The following COA1 variants were observed in gnomAD, a reference collection of about 807,000 sequenced individuals.
The protein encoded by COA1 is cytochrome c oxidase assembly factor 1 homolog.
A neutral mutation model predicts 16.0 loss-of-function variants in COA1; 13 were observed. The ratio of observed to expected loss-of-function variants is 0.81; its 90% CI spans 0.53 to 1.29. The LOEUF is 1.29. Ranked by LOEUF, COA1 falls within the 50% of genes most tolerant of loss-of-function variation. The probability of loss-of-function intolerance (pLI) is 0.00; values close to 1 mark genes in which losing one functional copy is unlikely to be tolerated. For missense variants in COA1, 179 were observed against 177.0 expected, an observed-to-expected ratio of 1.01 and a Z score of -0.06; for synonymous variants, 65 against 65.7, an observed-to-expected ratio of 0.99 and a Z score of 0.05.
At chr7:43,651,667 C>T (rs932150017) in intron 1 of COA1, among the ~76,000 whole-genome samples, 1 of 131,348 alleles carries the variant, frequency 7.6e-6, no homozygotes, top group African/African-American at 2.9e-5. Context: ...CTGGGAAGCA[C>T]ATCAGAATCA....
intron 1 of COA1, among the ~76,000 whole-genome samples, chr7:43,700,590 A>G (rs1375030153): frequency 2.2e-5 from 1 of 44,512 alleles, no homozygotes; most frequent in African/African-American, 1.2e-4. Flanking sequence ...GTGTATATAT[A>G]CGTGTGTGTG....
At chr7:43,664,944 C>A (rs6463200) in intron 1 of COA1, among the ~76,000 whole-genome samples, 107,747 of 152,076 alleles carry the variant, frequency 0.71, 38,661 homozygotes, top group African/African-American at 0.84. Flanking sequence ...TTCTAAATTC[C>A]GATGTTCTCA....
intron 1 of COA1, among the ~76,000 whole-genome samples, chr7:43,682,697 C>A (rs2093823302): frequency 6.6e-6 from 1 of 151,862 alleles, no homozygotes; most frequent in Admixed American, 6.6e-5. Context: ...CGAGTAAACA[C>A]AGAATTTGTC....
chr7:43,708,656 G>A (rs2095093557), intron 1 of COA1, among the ~76,000 whole-genome samples: 1 of 152,094 alleles, frequency 6.6e-6, no homozygotes, highest in African/African-American at 2.4e-5. Context: ...TCTTTTTGGT[G>A]AAGTGCCTGT....
In COA1 at chr7:43,712,741, C is replaced by T. The variant is rs2095289681; in HGVS notation, c.-39+16688G>A. Among the ~76,000 whole-genome samples the T allele has an allele frequency of 1.3e-5, 2 of 152,186 alleles. 1 individual carries two copies. Among genetic ancestry groups the T allele is most frequent in the Non-Finnish European group, 2.9e-5 (2 of 68,024 alleles). On this transcript the variant is annotated intron_variant, in intron 1 of 5. Coordinates refer to ENST00000223336, the MANE Select transcript of COA1 (RefSeq NM_018224.4). ...CTGTATAAACATTGAACCTCAGGAA[C>T]AGTCAGCTAAGTGTCCTCTGTCTTT...
At chr7:43,716,596 T>C (rs1175750147) in intron 1 of COA1, among the ~76,000 whole-genome samples, 1 of 152,178 alleles carries the variant, frequency 6.6e-6, no homozygotes, top group Non-Finnish European at 1.5e-5. Context: ...TCAGAAAATT[T>C]ACAGCCTGAC....
chr7:43,644,744 A>AGATAGATAGATAGATGGATG (rs1554501197), intron 4 of COA1, among the ~76,000 whole-genome samples: 1 of 90,366 alleles, frequency 1.1e-5, no homozygotes, highest in Non-Finnish European at 2.5e-5. Context: ...ATAGATAGAT[A>AGATAGATAGATAGATGGATG]GATAGATAGA....
At chr7:43,643,512 T>A (rs2087772951) in intron 4 of COA1, among the ~76,000 whole-genome samples, 1 of 152,176 alleles carries the variant, frequency 6.6e-6, no homozygotes, top group Non-Finnish European at 1.5e-5. Flanking sequence ...GCCCAGCCCT[T>A]CCCTGTGCTC....
rs746162775 is a variant in COA1, at chr7:43,645,328, C to T, written c.187G>A (p.Ala63Thr). 18 of 1,613,984 alleles carry T rather than the reference C, an allele frequency of 1.1e-5. No homozygotes were observed. In the East Asian group the frequency reaches 3.3e-4, roughly 30 times the overall value. ...QLQSHPEAQE[A>T]LGPPLNIHYL... is the part of the protein sequence containing the mutation. ...TGGATGTTGAGAGGAGGGCCCAGAG[C>T]TTCCTGTGCCTCGGGATGGCTCTGC... Residue 63 changes from alanine (A) to threonine (T), a missense_variant, in exon 4 of 6, where the codon GCT becomes ACT. Physicochemically the swap from Ala to Thr is moderately conservative, Grantham distance 58. Transcript: ENST00000223336.
At chr7:43,637,221 A>ATTCT (rs2086037941), downstream of COA1, among the ~76,000 whole-genome samples, 2 of 152,274 alleles carry the variant, frequency 1.3e-5, no homozygotes, top group Admixed American at 6.5e-5. Flanking sequence ...ACAGCTTGAA[A>ATTCT]TTCTTTTGGC....
chr7:43,721,228 T>C (rs573566310), intron 1 of COA1, among the ~76,000 whole-genome samples: 1 of 152,354 alleles, frequency 6.6e-6, no homozygotes. Context: ...CTAGTAACAT[T>C]ACAAGAATAA....
At chr7:43,646,517 G>GAA in intron 3 of COA1, 1 of 455,634 alleles carries the variant, frequency 2.2e-6, no homozygotes, top group Middle Eastern at 3.3e-4. Flanking sequence ...AGCTGGAGCC[G>GAA]AGATTCAACC....
At chr7:43,721,836 G>A (rs112237885) in intron 1 of COA1, among the ~76,000 whole-genome samples, 2 of 151,972 alleles carry the variant, frequency 1.3e-5, no homozygotes, top group South Asian at 2.1e-4. Context: ...GGGAAAAGTC[G>A]TAAGTTATAA....
chr7:43,612,224 G>C (rs1430346672), intron 6 of COA1, among the ~76,000 whole-genome samples: 1 of 152,202 alleles, frequency 6.6e-6, no homozygotes, highest in Non-Finnish European at 1.5e-5. Context: ...GGTCCAAAGG[G>C]TTCTCAGCCT....
At chr7:43,627,658 T>C (rs2084710080) in intron 6 of COA1, among the ~76,000 whole-genome samples, 1 of 152,222 alleles carries the variant, frequency 6.6e-6, no homozygotes, top group Non-Finnish European at 1.5e-5. Flanking sequence ...TCATCCATTC[T>C]ATCTGTTGCG....
intron 1 of COA1, among the ~76,000 whole-genome samples, chr7:43,728,542 C>T (rs559154846): frequency 6.6e-6 from 1 of 152,254 alleles, no homozygotes; most frequent in East Asian, 1.9e-4. Flanking sequence ...AGTGTACCTG[C>T]AGGTGTGTTT....
intron 6 of COA1, chr7:43,625,945 A>G (rs1019995561): frequency 4.6e-5 from 7 of 152,250 alleles, no homozygotes; most frequent in African/African-American, 1.2e-4. Flanking sequence ...AAAAAGATGT[A>G]TAAGAATGTA....
chr7:43,641,296 A>G (rs1470370586), intron 4 of COA1: 1 of 140,788 alleles, frequency 7.1e-6, no homozygotes, highest in South Asian at 2.4e-4. Flanking sequence ...TGTGCCTTTC[A>G]CAGAATGTAA....
At chr7:43,685,335 G>A (rs1324968544) in intron 1 of COA1, among the ~76,000 whole-genome samples, 7 of 152,088 alleles carry the variant, frequency 4.6e-5, no homozygotes, top group East Asian at 1.9e-4. Context: ...CCATCATCTG[G>A]TGTCCAACAT....
Sources: gnomAD v4.1 joint callset for allele counts (sites outside exome capture counted in the v4.1 genomes callset) on GRCh38, gnomAD v4.1.1 for gene constraint, MANE v1.5 for transcripts, NCBI Gene and HGNC (gene_info 2026-07-23, HGNC 2026-07-21) for gene names.